The following LIX1 variants were observed in gnomAD, a reference collection of about 807,000 sequenced individuals.
The protein encoded by LIX1 is protein limb expression 1 homolog.
Under a neutral mutation model 33.4 loss-of-function variants are expected in LIX1, and 24 were observed. That is an observed-to-expected ratio of 0.72 (90% confidence interval 0.52 to 1.01). LIX1 has a LOEUF of 1.01. LIX1 is among the 50% of genes least tolerant of loss of function. LIX1 has a pLI of 0.00. For synonymous variants in LIX1, 124 were observed against 124.0 expected, an observed-to-expected ratio of 1.00 and a Z score of 0.00; for missense variants, 311 against 339.2, an observed-to-expected ratio of 0.92 and a Z score of 0.65.
chr5:97,093,878 A>G lies in LIX1; in HGVS notation c.*870T>C, dbSNP rs1238484117. 2.0e-5 allele frequency: 3 copies of G among 152,338 alleles called. No homozygotes were observed. The highest frequency in any genetic ancestry group is 4.4e-5 in the Non-Finnish European group (3 of 68,038). 9.4% of individuals were successfully genotyped at this position (152,338 alleles called of 1,614,324 possible). A position where few individuals can be genotyped will look rare whatever the true frequency, so the allele number is the denominator to read the frequency against. On this transcript the variant is annotated 3_prime_UTR_variant, in exon 6 of 6. Coordinates refer to ENST00000274382, the MANE Select transcript of LIX1 (RefSeq NM_153234.5). The stretch of plus-strand genomic sequence containing the variant: ...CAAGCATTCTTTGTTACATGCTAAT[A>G]ATTTTTCAAAATGTTTTAACCTTTA...
rs185576941 is a variant in LIX1 at position 97,110,484 on chromosome 5, G to A, written c.247-2984C>T. Among the ~76,000 whole-genome samples, 124 of 152,124 alleles carry A rather than the reference G, an allele frequency of 8.2e-4. 2 individuals are homozygous for A. Among genetic ancestry groups the A allele is most frequent in the African/African-American group, 2.7e-3 (113 of 41,490 alleles). On this transcript the variant is annotated intron_variant, in intron 2 of 5. Transcript: ENST00000274382. ...ATGGAGTTTCACTCTTGTTGCCCAG[G>A]CTGGAGTGCAATGGCGTGATCTTGG...
At chr5:97,119,964 A>G (rs547197542) in intron 2 of LIX1, among the ~76,000 whole-genome samples, 2 of 152,344 alleles carry the variant, frequency 1.3e-5, no homozygotes, top group South Asian at 4.1e-4. Flanking sequence ...TAATGAATGT[A>G]TGAACAAATA....
intron 1 of LIX1, among the ~76,000 whole-genome samples, chr5:97,133,682 T>C (rs1312473209): frequency 1.3e-5 from 2 of 152,202 alleles, no homozygotes; most frequent in East Asian, 3.9e-4. Flanking sequence ...AACTCCCTAA[T>C]AGCCAGAAAA....
At position 97,105,244 on chromosome 5, in the gene LIX1, C is replaced by T. The variant is rs35222312; in HGVS notation, c.429G>A (p.Gly143=). ...TTGACTCCAGCATGTAGTGATAGGC[C>T]CCAACACTGGTGCTGGGGTCATCTG... is the stretch of plus-strand genomic sequence containing the variant. ...DDADDPSTSV[G]AYHYMLESNM... The change falls in exon 4 of 6, where the codon GGG becomes GGA. Residue 143 remains glycine, a synonymous_variant. Transcript: ENST00000274382. 3,437 of 1,614,012 alleles carry T rather than the reference C, an allele frequency of 2.1e-3. 58 individuals carry two copies. The African/African-American group carries it at 0.04, about 19-fold the overall frequency.
At chr5:97,131,892 C>CT (rs1748064072) in intron 1 of LIX1, among the ~76,000 whole-genome samples, 1 of 152,196 alleles carries the variant, frequency 6.6e-6, no homozygotes, top group Admixed American at 6.5e-5. Flanking sequence ...AACCATGTCT[C>CT]AGCTGGGGAT....
At position 97,092,505 on chromosome 5, in the gene LIX1, A is replaced by G. The variant is rs904132708; in HGVS notation, c.*2243T>C. 4 of 152,486 alleles carry G rather than the reference A, an allele frequency of 2.6e-5. No individual in the cohort carries two copies. The highest frequency in any genetic ancestry group is 1.3e-4 in the Admixed American group (2 of 15,310). 9.4% of individuals were successfully genotyped at this position (152,486 alleles called of 1,614,324 possible). On this transcript the variant is annotated 3_prime_UTR_variant, in exon 6 of 6. Coordinates refer to ENST00000274382, the MANE Select transcript of LIX1 (RefSeq NM_153234.5). The stretch of plus-strand genomic sequence containing the variant: ...ATGTCTCAGCTGAAATTGATTTACT[A>G]TCAAATCAGCATTAAAGGGACCAGC...
chr5:97,120,795 T>C (rs1214296854), intron 2 of LIX1, among the ~76,000 whole-genome samples: 1 of 152,110 alleles, frequency 6.6e-6, no homozygotes, highest in African/African-American at 2.4e-5. Context: ...AATAAGAAAG[T>C]AACAGGGAGC....
At chr5:97,141,415 G>A (rs1023950466) in intron 1 of LIX1, among the ~76,000 whole-genome samples, 1 of 152,168 alleles carries the variant, frequency 6.6e-6, no homozygotes, top group African/African-American at 2.4e-5. Flanking sequence ...GAAAGAAAAG[G>A]CTTTCACTTT....
intron 4 of LIX1, among the ~76,000 whole-genome samples, chr5:97,098,015 C>G (rs1237135501): frequency 6.6e-6 from 1 of 152,224 alleles, no homozygotes; most frequent in African/African-American, 2.4e-5. Context: ...AGCCAACTTC[C>G]TCTGCTCAGC....
chr5:97,103,247 T>A (rs1746815725), intron 4 of LIX1, among the ~76,000 whole-genome samples: 1 of 152,176 alleles, frequency 6.6e-6, no homozygotes, highest in Non-Finnish European at 1.5e-5. Flanking sequence ...CTCTGAACCA[T>A]TTTGTGTAGG....
chr5:97,135,194 G>A (rs938373779), intron 1 of LIX1, among the ~76,000 whole-genome samples: 12 of 152,114 alleles, frequency 7.9e-5, no homozygotes, highest in African/African-American at 2.9e-4. Flanking sequence ...ATTTAAAACC[G>A]ATGAACTGTA....
chr5:97,102,368 G>A (rs1235264376), intron 4 of LIX1, among the ~76,000 whole-genome samples: 1 of 152,036 alleles, frequency 6.6e-6, no homozygotes, highest in Non-Finnish European at 1.5e-5. Context: ...ACAAGCAGAA[G>A]CATTTAACCC....
chr5:97,107,484 G>A lies in LIX1; in HGVS notation c.263C>T (p.Ala88Val). The change falls in exon 3 of 6, where the codon GCC (alanine) becomes GTC (valine). Residue 88 changes from alanine (A) to valine (V), a missense_variant. Ala to Val is a moderately conservative substitution (Grantham distance 64, BLOSUM62 0). Coordinates refer to ENST00000274382, the MANE Select transcript of LIX1 (RefSeq NM_153234.5). The stretch of plus-strand genomic sequence containing the variant: ...TTTAGCTGCATCCCGCCTGGCCTCG[G>A]CTCTACTTAAGCAGCACTTGAGAAG... ...FGNFQCCLSR[A>V]EARRDAAKVA... 1 of 1,614,012 alleles carries A rather than the reference G, an allele frequency of 6.2e-7. No homozygotes were observed. The highest frequency in any genetic ancestry group is 8.5e-7 in the Non-Finnish European group (1 of 1,180,006).
At chr5:97,118,214 C>T (rs1292941946) in intron 2 of LIX1, among the ~76,000 whole-genome samples, 2 of 152,142 alleles carry the variant, frequency 1.3e-5, no homozygotes, top group Admixed American at 1.3e-4. Flanking sequence ...ATCACATGCT[C>T]TAGTACTATA....
intron 1 of LIX1, among the ~76,000 whole-genome samples, chr5:97,128,750 T>G (rs1406741429): frequency 6.6e-6 from 1 of 152,176 alleles, no homozygotes; most frequent in Non-Finnish European, 1.5e-5. Flanking sequence ...TCTTTCAATA[T>G]CTAATAAATG....
In LIX1 at chr5:97,093,693, T is replaced by A. The variant is rs1168357127; in HGVS notation, c.*1055A>T. 1.3e-5 allele frequency: 2 copies of A among 151,920 alleles called. No individual in the cohort carries two copies. Among genetic ancestry groups the A allele is most frequent in the East Asian group, 3.7e-4 (2 of 5,336 alleles). 9.4% of individuals were successfully genotyped at this position (151,920 alleles called of 1,614,324 possible). Reference sequence around the variant, plus strand: ...CAGTTGATTGACCCATATGGATGAGTTAAATAGAGATGGCAATGTCTTATC... The same window carrying A: ...CAGTTGATTGACCCATATGGATGAGATAAATAGAGATGGCAATGTCTTATC... On this transcript the variant is annotated 3_prime_UTR_variant, in exon 6 of 6. Coordinates refer to ENST00000274382, the MANE Select transcript of LIX1 (RefSeq NM_153234.5).
At chr5:97,116,320 T>C (rs757089865) in intron 2 of LIX1, among the ~76,000 whole-genome samples, 10 of 152,178 alleles carry the variant, frequency 6.6e-5, no homozygotes, top group Non-Finnish European at 1.2e-4. Context: ...AGGGCAACCG[T>C]TGGAACTCAG....
At chr5:97,099,992 T>C (rs189886426) in intron 4 of LIX1, among the ~76,000 whole-genome samples, 89 of 152,306 alleles carry the variant, frequency 5.8e-4, no homozygotes, top group Non-Finnish European at 1.2e-4. Flanking sequence ...TGTGGCCCAG[T>C]TTGAGAAACA....
At chr5:97,139,950 T>C (rs2112802555) in intron 1 of LIX1, among the ~76,000 whole-genome samples, 1 of 152,358 alleles carries the variant, frequency 6.6e-6, no homozygotes, top group African/African-American at 2.4e-5. Context: ...TGAGAAAGCA[T>C]TTGAATTTTA....
Sources: allele counts gnomAD v4.1 joint callset (sites outside exome capture counted in the v4.1 genomes callset), GRCh38; gene constraint gnomAD v4.1.1; transcripts MANE v1.5; gene names NCBI Gene and HGNC (gene_info 2026-07-23, HGNC 2026-07-21).